Variants in CMSS1 observed in about 807,000 individuals in gnomAD.
CMSS1 encodes cms1 ribosomal small subunit homolog.
In CMSS1, 33 loss-of-function variants were observed where a neutral mutation model predicts 43.5. The ratio of observed to expected loss-of-function variants is 0.76; its 90% CI spans 0.57 to 1.01. CMSS1 has a LOEUF of 1.01. CMSS1 is among the 50% of genes least tolerant of loss of function. The probability of loss-of-function intolerance (pLI) is 0.00; values close to 1 mark genes in which losing one functional copy is unlikely to be tolerated. For synonymous variants in CMSS1, 115 were observed against 117.2 expected, an observed-to-expected ratio of 0.98 and a Z score of 0.12; for missense variants, 313 against 326.4, an observed-to-expected ratio of 0.96 and a Z score of 0.32.
At position 99,818,041 on chromosome 3, in the gene CMSS1, C is replaced by T. The variant is rs768468210; in HGVS notation, c.62C>T (p.Pro21Leu). Residue 21 changes from proline (P) to leucine (L), a missense_variant and splice_region_variant, in exon 1 of 10, where the codon CCA (proline) becomes CTA (leucine). Physicochemically the swap from Pro to Leu is moderately conservative, Grantham distance 98. Coordinates refer to ENST00000421999, the MANE Select transcript of CMSS1 (RefSeq NM_032359.4). ...ENQPTGAGSS[P>L]EASDGEGEGD... ...CAGCCGACTGGAGCAGGCAGCAGCC[C>T]AGGTACCCACTCTGTGCCCGCGCTC... 4 of 1,613,416 alleles carry T rather than the reference C, an allele frequency of 2.5e-6. No homozygotes were observed. The South Asian group carries it at 4.4e-5, about 18-fold the overall frequency.
At chr3:99,853,234 T>C (rs116119260) in intron 1 of CMSS1, among the ~76,000 whole-genome samples, 395 of 152,358 alleles carry the variant, frequency 2.6e-3, no homozygotes, top group African/African-American at 8.4e-3. Context: ...TTCTCCTGCC[T>C]TAGCATTAGA....
chr3:99,831,204 T>C (rs1942658153), intron 1 of CMSS1, among the ~76,000 whole-genome samples: 1 of 152,222 alleles, frequency 6.6e-6, no homozygotes, highest in East Asian at 1.9e-4. Context: ...AATTATAGTA[T>C]AATTATGACA....
chr3:100,042,880 A>C (rs746011820), intron 1 of CMSS1, among the ~76,000 whole-genome samples: 1 of 152,240 alleles, frequency 6.6e-6, no homozygotes, highest in Non-Finnish European at 1.5e-5. Flanking sequence ...AATAGAGCCA[A>C]AGTTCCCAGA....
chr3:99,840,000 T>A (rs1943059773), intron 1 of CMSS1, among the ~76,000 whole-genome samples: 1 of 152,128 alleles, frequency 6.6e-6, no homozygotes, highest in Non-Finnish European at 1.5e-5. Context: ...CAGGGAATAT[T>A]TAGCCATGTC....
At chr3:100,098,191 C>A (rs76026932) in intron 1 of CMSS1, among the ~76,000 whole-genome samples, 50 of 152,250 alleles carry the variant, frequency 3.3e-4, no homozygotes, top group African/African-American at 1.2e-3. Context: ...CACCAGTTAG[C>A]AGATTCACAT....
Position 100,087,886 on chromosome 3 carries a change from A to G in CMSS1, c.65-59087A>G, listed in dbSNP as rs543897572. On this transcript the variant is annotated intron_variant, in intron 1 of 9. Coordinates refer to ENST00000421999, the MANE Select transcript of CMSS1 (RefSeq NM_032359.4). ...CACTCTGTCACCCAGGCTGGAGTGCAGTGGCAAGATCTCGACTCACTGCAA... is the reference window on the plus strand; with the variant it reads ...CACTCTGTCACCCAGGCTGGAGTGCGGTGGCAAGATCTCGACTCACTGCAA... 2.9e-4 allele frequency among the ~76,000 whole-genome samples: 40 copies of G among 139,982 alleles called. No homozygotes were observed. The South Asian group carries it at 8.4e-3, about 29-fold the overall frequency. The allele number at this position is 139,982 out of a possible 152,430, so 91.8% of individuals were successfully genotyped here. A position where few individuals can be genotyped will look rare whatever the true frequency, so the allele number is the denominator to read the frequency against.
In CMSS1 at chr3:100,139,884, C is replaced by A. The variant is rs970653418; in HGVS notation, c.65-7089C>A. 1.3e-3 allele frequency among the ~76,000 whole-genome samples: 204 copies of A among 151,210 alleles called. 2 individuals carry two copies. Among genetic ancestry groups the A allele is most frequent in the African/African-American group, 4.6e-3 (191 of 41,260 alleles). On this transcript the variant is annotated intron_variant, in intron 1 of 9. Coordinates refer to ENST00000421999, the MANE Select transcript of CMSS1 (RefSeq NM_032359.4). ...CCATTTCCATTTGTTTATACACTGCCTAGGGCAGTGTATAAATTAGAACAG... is the reference window on the plus strand; with the variant it reads ...CCATTTCCATTTGTTTATACACTGCATAGGGCAGTGTATAAATTAGAACAG...
rs765163807 is a variant in CMSS1, at chr3:100,176,367, C to T, written c.708C>T (p.Asp236=). The T allele has an allele frequency of 1.2e-6, 2 of 1,613,706 alleles. No individual in the cohort carries two copies. Among genetic ancestry groups the T allele is most frequent in the Admixed American group, 3.3e-5 (2 of 59,992 alleles). Residue 236 remains aspartate (D), a synonymous_variant, in exon 9 of 10, where the codon GAC becomes GAT. Coordinates refer to ENST00000421999, the MANE Select transcript of CMSS1 (RefSeq NM_032359.4). ...NLSPLKFLVF[D]WNWRDQKLRR... Reference sequence around the variant, plus strand: ...GCCCCTTAAAATTTCTGGTTTTTGACTGGAACTGGAGAGATCAGAAGTTGA... The same window carrying T: ...GCCCCTTAAAATTTCTGGTTTTTGATTGGAACTGGAGAGATCAGAAGTTGA...
At chr3:99,938,542 C>T (rs1232264315) in intron 1 of CMSS1, among the ~76,000 whole-genome samples, 1 of 152,196 alleles carries the variant, frequency 6.6e-6, no homozygotes, top group African/African-American at 2.4e-5. Flanking sequence ...AGAGGGCAGA[C>T]TGTCTGCTAT....
intron 1 of CMSS1, chr3:99,848,364 G>A (rs529055199): frequency 1.2e-6 from 2 of 1,614,022 alleles, no homozygotes; most frequent in African/African-American, 1.3e-5. Flanking sequence ...TGACTTTATT[G>A]GTTGTTTTGT....
chr3:100,082,937 GA>G (rs2065954138), intron 1 of CMSS1, among the ~76,000 whole-genome samples: 1 of 152,092 alleles, frequency 6.6e-6, no homozygotes, highest in Admixed American at 6.6e-5. Flanking sequence ...CTGTGGTTTT[GA>G]AAAAAGAACA....
At chr3:99,984,983 G>A (rs904510351) in intron 1 of CMSS1, among the ~76,000 whole-genome samples, 1 of 152,190 alleles carries the variant, frequency 6.6e-6, no homozygotes, top group Non-Finnish European at 1.5e-5. Context: ...GTGGAAATGA[G>A]ATAACTCGTG....
chr3:100,037,264 AACTT>A (rs1254675317), intron 1 of CMSS1, among the ~76,000 whole-genome samples: 1 of 152,168 alleles, frequency 6.6e-6, no homozygotes, highest in Non-Finnish European at 1.5e-5. Context: ...TGATGTCTGC[AACTT>A]ACTCAGATGG....
chr3:100,020,760 C>CTTTTTTTTT lies in CMSS1; in HGVS notation c.65-126196_65-126188dup, dbSNP rs34665880. Among the ~76,000 whole-genome samples, 15 of 71,006 alleles carry CTTTTTTTTT rather than the reference C, an allele frequency of 2.1e-4. 1 individual carries two copies. Among genetic ancestry groups the CTTTTTTTTT allele is most frequent in the Non-Finnish European group, 2.7e-4 (11 of 41,160 alleles). The allele number at this position is 71,006 out of a possible 152,430, so 46.6% of individuals were successfully genotyped here. On this transcript the variant is annotated intron_variant, in intron 1 of 9. Transcript: ENST00000421999. ...TTTTTAGAAAGTAATGAATAATTAG[C>CTTTTTTTTT]TTTTTTTTTTTTTTTTTTTTTTTTT...
intron 1 of CMSS1, among the ~76,000 whole-genome samples, chr3:99,998,154 C>A (rs1222177994): frequency 6.6e-6 from 1 of 152,218 alleles, no homozygotes; most frequent in South Asian, 2.1e-4. Flanking sequence ...TCAGCAAGAT[C>A]TGTTACCATC....
intron 1 of CMSS1, among the ~76,000 whole-genome samples, chr3:99,834,555 T>C (rs928948089): frequency 6.6e-6 from 1 of 152,234 alleles, no homozygotes; most frequent in Non-Finnish European, 1.5e-5. Context: ...AGCAATACTT[T>C]GTTAAAATAA....
At chr3:99,826,278 C>T (rs1942534666) in intron 1 of CMSS1, among the ~76,000 whole-genome samples, 1 of 152,114 alleles carries the variant, frequency 6.6e-6, no homozygotes, top group African/African-American at 2.4e-5. Flanking sequence ...CTCTTAAATT[C>T]CTATTTCTGA....
chr3:100,089,809 A>G (rs914858894), intron 1 of CMSS1, among the ~76,000 whole-genome samples: 1 of 152,220 alleles, frequency 6.6e-6, no homozygotes, highest in Admixed American at 6.5e-5. Context: ...GTAGAATGTC[A>G]TATTAGGAAC....
chr3:99,904,246 A>C (rs1197762284), intron 1 of CMSS1, among the ~76,000 whole-genome samples: 2 of 152,242 alleles, frequency 1.3e-5, no homozygotes, highest in Non-Finnish European at 2.9e-5. Flanking sequence ...TTTCACCATT[A>C]GAATGTGCTT....
Sources: allele counts gnomAD v4.1 joint callset (sites outside exome capture counted in the v4.1 genomes callset), GRCh38; gene constraint gnomAD v4.1.1; transcripts MANE v1.5; gene names NCBI Gene and HGNC (gene_info 2026-07-23, HGNC 2026-07-21).